KAZN: variants seen among roughly 807,000 people sequenced by gnomAD.
The protein encoded by KAZN is kazrin, periplakin interacting protein, also known as kazrin.
Under a neutral mutation model 87.4 loss-of-function variants are expected in KAZN, and 40 were observed. The ratio of observed to expected loss-of-function variants is 0.46; its 90% CI spans 0.36 to 0.60. The LOEUF (loss-of-function observed/expected upper bound fraction) is 0.60. Among genes scored for constraint, KAZN ranks in the 20% least tolerant of loss-of-function variants. The probability of loss-of-function intolerance (pLI) is 0.00; values close to 1 mark genes in which losing one functional copy is unlikely to be tolerated. For missense variants in KAZN, 898 were observed against 1,073.9 expected, an observed-to-expected ratio of 0.84 and a Z score of 2.29; for synonymous variants, 466 against 458.3, an observed-to-expected ratio of 1.02 and a Z score of -0.22.
At chr1:15,065,512 C>A in intron 7 of KAZN, 118 bp from the exon 8 acceptor site, 1 of 896,874 alleles carries the variant, frequency 1.1e-6, no homozygotes, top group Non-Finnish European at 1.7e-6. Context: ...ACCCCACTGG[C>A]TTAAAGCTCA....
intron 2 of KAZN, among the ~76,000 whole-genome samples, chr1:14,478,845 G>A (rs1346734567): frequency 6.6e-6 from 1 of 152,200 alleles, no homozygotes; most frequent in East Asian, 1.9e-4. Flanking sequence ...TCTGAAAGCA[G>A]ACCCTGAGGC....
intron 1 of KAZN, among the ~76,000 whole-genome samples, chr1:14,948,779 C>A (rs1472027468): frequency 6.6e-6 from 1 of 152,060 alleles, no homozygotes; most frequent in Admixed American, 6.5e-5. Flanking sequence ...AATAGGATGG[C>A]CCAGTAAGCT....
intron 2 of KAZN, among the ~76,000 whole-genome samples, chr1:15,013,937 C>T (rs1456364244): frequency 6.6e-6 from 1 of 152,040 alleles, no homozygotes; most frequent in Non-Finnish European, 1.5e-5. Flanking sequence ...CTAGAGAAAT[C>T]GTTGCTCTGC....
At chr1:14,899,196 G>C (rs572110138) in intron 1 of KAZN, among the ~76,000 whole-genome samples, 2 of 152,170 alleles carry the variant, frequency 1.3e-5, no homozygotes, top group Non-Finnish European at 2.9e-5. Context: ...GGAATGTTCC[G>C]CTAAGTCAAG....
At chr1:13,987,611 A>G (rs562569061) in intron 1 of KAZN, among the ~76,000 whole-genome samples, 5 of 152,174 alleles carry the variant, frequency 3.3e-5, no homozygotes, top group South Asian at 2.1e-4. Context: ...GCATCTGGGG[A>G]GGGCCTGCTT....
rs182810858 is a variant in KAZN, at chr1:14,516,499, T to C, written c.250-82484T>C. Among the ~76,000 whole-genome samples, 48 of 152,330 alleles carry C rather than the reference T, an allele frequency of 3.2e-4. No individual in the cohort carries two copies. The East Asian group carries it at 9.3e-3, about 29-fold the overall frequency. On this transcript the variant is annotated intron_variant, in intron 2 of 16. Transcript: ENST00000636203. ...GAGCACATGACCCACGTCAGGCTAA[T>C]GAGACTCAAGTCTATGAGTTTATGC...
rs936217362 is a variant in KAZN, at chr1:15,115,031, C to T, written c.*396C>T. Reference sequence around the variant, plus strand: ...ACAGTTCCCTAAAACACCCTTCCGGCGGGAGCAGGGGGGACCCCAACCCCA... The same window carrying T: ...ACAGTTCCCTAAAACACCCTTCCGGTGGGAGCAGGGGGGACCCCAACCCCA... On this transcript the variant is annotated 3_prime_UTR_variant, in exon 15 of 15. Coordinates refer to ENST00000376030, the MANE Select transcript of KAZN (RefSeq NM_201628.3). The surrounding 1 kb of genome is among the most constrained non-coding windows in gnomAD (Gnocchi z 4.1). 1.2e-5 allele frequency: 2 copies of T among 160,696 alleles called. No homozygotes were observed. Among genetic ancestry groups the T allele is most frequent in the African/African-American group, 2.4e-5 (1 of 41,770 alleles). The allele number at this position is 160,696 out of a possible 1,614,324, so 10.0% of individuals were successfully genotyped here.
intron 2 of KAZN, among the ~76,000 whole-genome samples, chr1:14,466,654 T>A (rs1171114746): frequency 1.1e-4 from 10 of 89,124 alleles, no homozygotes; most frequent in African/African-American, 4.8e-4. Context: ...AACTTAAAAC[T>A]AAATTTAAAA....
At chr1:14,969,814 T>C (rs1238497847) in intron 2 of KAZN, among the ~76,000 whole-genome samples, 1 of 152,120 alleles carries the variant, frequency 6.6e-6, no homozygotes, top group Non-Finnish European at 1.5e-5. Flanking sequence ...TATTTTATTT[T>C]ATATTATTTT....
chr1:14,952,520 A>C (rs369201374), intron 1 of KAZN, among the ~76,000 whole-genome samples: 1 of 152,098 alleles, frequency 6.6e-6, no homozygotes, highest in Non-Finnish European at 1.5e-5. Context: ...TATAATTCAC[A>C]TACAGTGAAA....
chr1:14,548,913 AT>A (rs1673336595), intron 2 of KAZN, among the ~76,000 whole-genome samples: 1 of 152,210 alleles, frequency 6.6e-6, no homozygotes, highest in African/African-American at 2.4e-5. Flanking sequence ...ATCCATGAAC[AT>A]GATCCATCTC....
At chr1:14,034,933 G>T (rs1290239731) in intron 1 of KAZN, among the ~76,000 whole-genome samples, 1 of 152,206 alleles carries the variant, frequency 6.6e-6, no homozygotes, top group Non-Finnish European at 1.5e-5. Context: ...TGGGCCGCTT[G>T]CAGTGATGGG....
chr1:14,952,024 A>T (rs1009029207), intron 1 of KAZN, among the ~76,000 whole-genome samples: 2 of 152,136 alleles, frequency 1.3e-5, no homozygotes, highest in African/African-American at 4.8e-5. Flanking sequence ...TGTGAGCCTC[A>T]GGCGGGGACC....
At chr1:14,592,022 G>A (rs949697538) in intron 2 of KAZN, among the ~76,000 whole-genome samples, 4 of 152,102 alleles carry the variant, frequency 2.6e-5, no homozygotes, top group Admixed American at 1.3e-4. Flanking sequence ...ACTTCTCTAC[G>A]GCTCTGTTCC....
intron 1 of KAZN, among the ~76,000 whole-genome samples, chr1:14,138,473 A>G (rs536775527): frequency 6.6e-6 from 1 of 152,238 alleles, no homozygotes; most frequent in East Asian, 1.9e-4. Context: ...GGTCACATGT[A>G]TCTCCCACGC....
intron 2 of KAZN, among the ~76,000 whole-genome samples, chr1:14,511,801 A>G (rs77336553): frequency 1.4e-3 from 219 of 152,344 alleles, no homozygotes; most frequent in African/African-American, 5.1e-3. Flanking sequence ...GGAAACCAGC[A>G]GCTTCGACAA....
rs191299970 is a variant in KAZN at position 14,473,571 on chromosome 1, G to A, written c.250-125412G>A. The stretch of plus-strand genomic sequence containing the variant: ...GAACCGGGGAGGCAGAGATTGCAGT[G>A]GCCGAGATCGTGCCACAAGATCGCG... On this transcript the variant is annotated intron_variant, in intron 2 of 16. Coordinates refer to the KAZN transcript ENST00000636203. Among the ~76,000 whole-genome samples the A allele has an allele frequency of 1.8e-4, 27 of 151,442 alleles. No individual in the cohort carries two copies. The East Asian group carries it at 5.0e-3, about 28-fold the overall frequency.
intron 1 of KAZN, among the ~76,000 whole-genome samples, chr1:14,601,999 TTG>T (rs1677018015): frequency 6.6e-6 from 1 of 152,202 alleles, no homozygotes; most frequent in Non-Finnish European, 1.5e-5. Flanking sequence ...TCAAATGTTT[TTG>T]TTTTTGTTTT....
At chr1:13,919,218 C>T (rs1276338217) in intron 1 of KAZN, among the ~76,000 whole-genome samples, 3 of 152,216 alleles carry the variant, frequency 2.0e-5, no homozygotes, top group African/African-American at 7.2e-5. Flanking sequence ...TCATCTCCTC[C>T]ACCTTCTCCC....
Sources: gnomAD v4.1 joint callset for allele counts (sites outside exome capture counted in the v4.1 genomes callset) on GRCh38, gnomAD v4.1.1 for gene constraint, Gnocchi (gnomAD v3.1) non-coding constraint, MANE v1.5 for transcripts, NCBI Gene and HGNC (gene_info 2026-07-23, HGNC 2026-07-21) for gene names.